Variants in RAP1A observed in about 807,000 individuals in gnomAD.
RAP1A encodes ras-related protein Rap-1A.
Under a neutral mutation model 26.4 loss-of-function variants are expected in RAP1A, and 6 were observed. That is an observed-to-expected ratio of 0.23 (90% CI 0.12 to 0.45). RAP1A has a LOEUF of 0.45. Among genes scored for constraint, RAP1A ranks in the 20% least tolerant of loss-of-function variants. The pLI, the probability that RAP1A is intolerant of heterozygous loss-of-function variation, is 0.99. For synonymous variants in RAP1A, 73 were observed against 79.4 expected (o/e 0.92, Z 0.43); for missense variants, 121 against 217.2 (o/e 0.56, Z 2.78).
At chr1:111,688,517 G>A (rs1011704290) in intron 1 of RAP1A, among the ~76,000 whole-genome samples, 2 of 151,426 alleles carry the variant, frequency 1.3e-5, no homozygotes, top group African/African-American at 4.9e-5. Context: ...ACGGGGTTTC[G>A]CCGTGTTGCC....
intron 1 of RAP1A, among the ~76,000 whole-genome samples, chr1:111,584,028 C>A (rs909046810): frequency 5.3e-5 from 8 of 151,716 alleles, no homozygotes; most frequent in African/African-American, 1.9e-4. Flanking sequence ...ATTACAGGCA[C>A]CCACCACCAT....
chr1:111,682,366 A>G (rs1265147193), intron 1 of RAP1A, among the ~76,000 whole-genome samples: 1 of 152,230 alleles, frequency 6.6e-6, no homozygotes, highest in Non-Finnish European at 1.5e-5. Context: ...GCCCCAATTA[A>G]AAAACACAGA....
At chr1:111,621,800 T>A (rs1356292343) in intron 1 of RAP1A, among the ~76,000 whole-genome samples, 3 of 152,222 alleles carry the variant, frequency 2.0e-5, no homozygotes, top group Non-Finnish European at 4.4e-5. Context: ...CATGAACTTA[T>A]GTCTTAGAAG....
intron 1 of RAP1A, among the ~76,000 whole-genome samples, chr1:111,560,185 T>C (rs969617775): frequency 2.0e-5 from 3 of 152,176 alleles, no homozygotes; most frequent in African/African-American, 7.2e-5. Context: ...ACACATGAGA[T>C]CACAAGAGAA....
chr1:111,671,825 T>C (rs1660985952), intron 1 of RAP1A, among the ~76,000 whole-genome samples: 1 of 152,262 alleles, frequency 6.6e-6, no homozygotes, highest in African/African-American at 2.4e-5. Flanking sequence ...TAGTTCAAAT[T>C]GTTTAATTTC....
At chr1:111,589,813 G>A (rs1022303230) in intron 1 of RAP1A, among the ~76,000 whole-genome samples, 14 of 152,176 alleles carry the variant, frequency 9.2e-5, no homozygotes, top group Non-Finnish European at 1.5e-4. Context: ...CTAGTTCACT[G>A]AACTAGAAGT....
chr1:111,655,732 A>G (rs954401015), intron 1 of RAP1A, among the ~76,000 whole-genome samples: 5 of 141,542 alleles, frequency 3.5e-5, no homozygotes, highest in Non-Finnish European at 7.5e-5. Context: ...CAGTGGCGCA[A>G]TCTCACTGCT....
chr1:111,697,597 C>T (rs1332873499), intron 4 of RAP1A, 100 bp downstream of exon 4: 1 of 1,547,446 alleles, frequency 6.5e-7, no homozygotes, highest in African/African-American at 1.4e-5. Context: ...TAAAAGTAAT[C>T]ATTCTGATTA....
intron 1 of RAP1A, among the ~76,000 whole-genome samples, chr1:111,676,654 A>G (rs1661135950): frequency 6.6e-6 from 1 of 152,200 alleles, no homozygotes; most frequent in South Asian, 2.1e-4. Flanking sequence ...TATTACCACA[A>G]TCAAGATACA....
At chr1:111,648,223 T>C in intron 1 of RAP1A, 1 of 445,804 alleles carries the variant, frequency 2.2e-6, no homozygotes, top group Non-Finnish European at 4.1e-6. Context: ...TTTTTTGACT[T>C]CCAGTGACCT....
Position 111,715,541 on chromosome 1 carries a change from C to T in RAP1A, c.*3140C>T, listed in dbSNP as rs1220808941. ...AAGATATGAATAACACCCTAGTTTT[C>T]TGAACTGCAGCTGCATGGGTAATTA... is the stretch of plus-strand genomic sequence containing the variant. On this transcript the variant is annotated 3_prime_UTR_variant, in exon 8 of 8. Coordinates refer to ENST00000369709, the MANE Select transcript of RAP1A (RefSeq NM_002884.4). 1 of 152,186 alleles carries T rather than the reference C, an allele frequency of 6.6e-6. No individual in the cohort carries two copies. The highest frequency in any genetic ancestry group is 1.5e-5 in the Non-Finnish European group (1 of 68,036). The allele number at this position is 152,186 out of a possible 1,614,324, so 9.4% of individuals were successfully genotyped here. A position where few individuals can be genotyped will look rare whatever the true frequency, so the allele number is the denominator to read the frequency against.
chr1:111,683,137 C>T (rs181045305), intron 1 of RAP1A, among the ~76,000 whole-genome samples: 174 of 152,184 alleles, frequency 1.1e-3, no homozygotes, highest in African/African-American at 2.3e-3. Flanking sequence ...AAAGACACAA[C>T]GTACCAGAAT....
intron 1 of RAP1A, among the ~76,000 whole-genome samples, chr1:111,655,673 T>TA (rs990256426): frequency 7.0e-6 from 1 of 142,110 alleles, no homozygotes; most frequent in Non-Finnish European, 1.5e-5. Flanking sequence ...TTTTTTTTTT[T>TA]TTTTTTTTTT....
In RAP1A at chr1:111,691,350, CA is replaced by C. The variant is rs1661659251; in HGVS notation, c.-10del. On this transcript the variant is annotated 5_prime_UTR_variant, in exon 2 of 8. Coordinates refer to ENST00000369709, the MANE Select transcript of RAP1A (RefSeq NM_002884.4). ...GTTTTTCAGATCGTCAGTATTTAAACAGATCACATCATGCGTGAGTACAAGC... is the reference window on the plus strand; with the variant it reads ...GTTTTTCAGATCGTCAGTATTTAAACGATCACATCATGCGTGAGTACAAGC... The C allele has an allele frequency of 1.9e-6, 3 of 1,611,630 alleles. No homozygotes were observed. The African/African-American group carries it at 4.0e-5, about 21-fold the overall frequency.
rs543581498 is a variant in RAP1A, at chr1:111,625,231, G to A, written c.-28+5297G>A. The stretch of plus-strand genomic sequence containing the variant: ...TGTTACTCCTTCACGGTTTTTTGCA[G>A]TGCAGTGCTGTACCCACTTATTCTG... On this transcript the variant is annotated intron_variant, in intron 1 of 7. Coordinates refer to ENST00000369709, the MANE Select transcript of RAP1A (RefSeq NM_002884.4). Among the ~76,000 whole-genome samples, 3 of 152,220 alleles carry A rather than the reference G, an allele frequency of 2.0e-5. No individual in the cohort carries two copies. The South Asian group carries it at 6.2e-4, about 32-fold the overall frequency.
chr1:111,658,162 T>C (rs1167334809), intron 1 of RAP1A, among the ~76,000 whole-genome samples: 1 of 152,178 alleles, frequency 6.6e-6, no homozygotes, highest in Non-Finnish European at 1.5e-5. Flanking sequence ...TATTAGGCAA[T>C]TTGTTAAATT....
intron 7 of RAP1A, among the ~76,000 whole-genome samples, chr1:111,710,591 A>G (rs1007156930): frequency 4.6e-5 from 7 of 152,346 alleles, no homozygotes; most frequent in African/African-American, 7.2e-5. Flanking sequence ...CTCTTGGTCT[A>G]TTTAGTAGAT....
At chr1:111,697,416 CTTTT>C (rs34219774) in intron 3 of RAP1A, 21 bp from the exon 4 acceptor site, 66 of 1,570,514 alleles carry the variant, frequency 4.2e-5, no homozygotes, top group South Asian at 1.2e-4. Flanking sequence ...ACTCTTTAAC[CTTTT>C]TTTTTTTTTT....
intron 1 of RAP1A, among the ~76,000 whole-genome samples, chr1:111,654,852 T>G (rs957968898): frequency 1.3e-5 from 2 of 151,068 alleles, no homozygotes; most frequent in African/African-American, 4.9e-5. Flanking sequence ...GGACATAAAA[T>G]TATTAGCCTT....
Sources: allele counts gnomAD v4.1 joint callset (sites outside exome capture counted in the v4.1 genomes callset), GRCh38; gene constraint gnomAD v4.1.1; transcripts MANE v1.5; gene names NCBI Gene and HGNC (gene_info 2026-07-23, HGNC 2026-07-21).